The following BCAS3 variants were observed in gnomAD, a reference collection of about 807,000 sequenced individuals.
BCAS3 encodes BCAS3 microtubule associated cell migration factor.
BCAS3 carries 53 observed loss-of-function variants against 116.1 expected under a neutral mutation model. The observed-to-expected ratio is 0.46, with a 90% confidence interval of 0.37 to 0.57. The LOEUF (loss-of-function observed/expected upper bound fraction) is 0.57. Among genes scored for constraint, BCAS3 ranks in the 20% least tolerant of loss-of-function variants. The pLI, the probability that BCAS3 is intolerant of heterozygous loss-of-function variation, is 0.00. For missense variants in BCAS3, 917 were observed against 1,165.4 expected (o/e 0.79, Z 3.10); for synonymous variants, 391 against 408.2 (o/e 0.96, Z 0.51).
chr17:61,344,734 G>A lies in BCAS3; in HGVS notation c.2426-23593G>A, dbSNP rs967539083. On this transcript the variant is annotated intron_variant, in intron 22 of 23. Transcript: ENST00000407086. This position sits in a 1 kb window ranked among gnomAD's most constrained non-coding sequence, Gnocchi z 4.1. Reference sequence around the variant, plus strand: ...CTGGGGTGAAAGGAAGGAGGTTGTTGGAGGGACTGAGGGAGGTTCATCATG... The same window carrying A: ...CTGGGGTGAAAGGAAGGAGGTTGTTAGAGGGACTGAGGGAGGTTCATCATG... 6.6e-6 allele frequency among the ~76,000 whole-genome samples: 1 copy of A among 152,108 alleles called. No individual in the cohort carries two copies. Among genetic ancestry groups the A allele is most frequent in the Non-Finnish European group, 1.5e-5 (1 of 68,024 alleles).
chr17:60,738,589 A>G (rs534845137), intron 5 of BCAS3, among the ~76,000 whole-genome samples: 3 of 152,152 alleles, frequency 2.0e-5, no homozygotes, highest in Admixed American at 2.0e-4. Context: ...CCCTGTCTTT[A>G]TATTTAAAGT....
chr17:61,182,135 A>G (rs950289141), intron 22 of BCAS3, among the ~76,000 whole-genome samples: 1 of 152,146 alleles, frequency 6.6e-6, no homozygotes, highest in African/African-American at 2.4e-5. Flanking sequence ...TGGCTTCTCA[A>G]GGTGCTAGGA....
At chr17:61,163,332 G>A (rs776622754) in intron 22 of BCAS3, among the ~76,000 whole-genome samples, 4 of 151,846 alleles carry the variant, frequency 2.6e-5, no homozygotes, top group Non-Finnish European at 5.9e-5. Flanking sequence ...GCTGAGGCAG[G>A]AGAATGGTGT....
At chr17:60,973,607 A>ATATG (rs1555642433) in intron 14 of BCAS3, among the ~76,000 whole-genome samples, 2 of 148,810 alleles carry the variant, frequency 1.3e-5, no homozygotes, top group African/African-American at 5.0e-5. Flanking sequence ...ATATATATAT[A>ATATG]TGTATGAAGG....
chr17:61,299,342 C>G (rs1247568813), intron 22 of BCAS3, among the ~76,000 whole-genome samples: 1 of 145,646 alleles, frequency 6.9e-6, no homozygotes, highest in Non-Finnish European at 1.5e-5. Context: ...ACTTGGGAGT[C>G]TGGGGCAGGA....
At chr17:60,942,877 T>C (rs1450894008) in intron 13 of BCAS3, among the ~76,000 whole-genome samples, 3 of 152,026 alleles carry the variant, frequency 2.0e-5, no homozygotes, top group Admixed American at 2.0e-4. Context: ...AAACCATCCT[T>C]CCCATAGAAA....
chr17:60,724,021 A>G (rs1404624330), intron 5 of BCAS3, among the ~76,000 whole-genome samples: 1 of 151,278 alleles, frequency 6.6e-6, no homozygotes, highest in African/African-American at 2.4e-5. Flanking sequence ...TGCCCGGCCT[A>G]CTTTTTCACT....
At chr17:60,689,649 A>C in intron 3 of BCAS3, 37 bp from the exon 4 acceptor site, 1 of 1,480,108 alleles carries the variant, frequency 6.8e-7, no homozygotes, top group Non-Finnish European at 9.4e-7. Context: ...TAAAGCTGTA[A>C]AATATGTTTA....
chr17:61,316,884 C>T lies in BCAS3; in HGVS notation c.2426-51443C>T, dbSNP rs535109648. On this transcript the variant is annotated intron_variant, in intron 22 of 23. Transcript: ENST00000407086. The surrounding 1 kb of genome is among the most constrained non-coding windows in gnomAD (Gnocchi z 5.8). ...GCGGTTTCCCCACTAAGGAATTCCT[C>T]GTGTATTTGATCGATTTGTGCAAGA... 2.0e-5 allele frequency among the ~76,000 whole-genome samples: 3 copies of T among 152,206 alleles called. No homozygotes were observed. Among genetic ancestry groups the T allele is most frequent in the South Asian group, 2.1e-4 (1 of 4,818 alleles).
At chr17:61,069,765 G>A in intron 19 of BCAS3, 1 of 643,660 alleles carries the variant, frequency 1.6e-6, no homozygotes, top group Non-Finnish European at 2.7e-6. Flanking sequence ...TTGAACACAA[G>A]GTGGAGGCTG....
At chr17:61,252,679 A>C (rs2048458129) in intron 22 of BCAS3, among the ~76,000 whole-genome samples, 2 of 152,092 alleles carry the variant, frequency 1.3e-5, no homozygotes, top group East Asian at 1.9e-4. Context: ...AAAGGGCCTT[A>C]AAGGTTATCT....
chr17:60,715,320 A>G (rs1417531252), intron 5 of BCAS3, among the ~76,000 whole-genome samples: 2 of 151,574 alleles, frequency 1.3e-5, no homozygotes, highest in African/African-American at 2.4e-5. Flanking sequence ...AATTTTTAGT[A>G]GAGACGGGGT....
At chr17:60,819,922 C>G (rs545974024) in intron 7 of BCAS3, among the ~76,000 whole-genome samples, 4 of 152,266 alleles carry the variant, frequency 2.6e-5, no homozygotes, top group Non-Finnish European at 5.9e-5. Context: ...GCCACCATGC[C>G]TGGTTTATTA....
chr17:61,075,132 T>C (rs2143459162), intron 20 of BCAS3, 112 bp downstream of exon 20: 1 of 787,100 alleles, frequency 1.3e-6, no homozygotes, highest in South Asian at 1.9e-5. Flanking sequence ...TATTGGATTA[T>C]CAAGAATTAG....
intron 5 of BCAS3, among the ~76,000 whole-genome samples, chr17:60,738,827 C>T (rs969057189): frequency 1.3e-5 from 2 of 152,150 alleles, no homozygotes; most frequent in African/African-American, 2.4e-5. Context: ...ATGAACATAG[C>T]TCACTGTAGC....
In BCAS3 at chr17:61,068,560, T is replaced by C. The variant is rs1221320086; in HGVS notation, c.2030-6360T>C. ...CTCCTCTAAGCTATGGAGAACATGG[T>C]AAGGTTGTCACAGACCTGGCTGTAC... On this transcript the variant is annotated intron_variant, in intron 19 of 23. Transcript: ENST00000407086. The surrounding 1 kb of genome is among the most constrained non-coding windows in gnomAD (Gnocchi z 4.3). Among the ~76,000 whole-genome samples, 5 of 152,226 alleles carry C rather than the reference T, an allele frequency of 3.3e-5. No homozygotes were observed. The highest frequency in any genetic ancestry group is 3.3e-4 in the Admixed American group (5 of 15,286).
chr17:61,085,437 A>G (rs539259220), intron 22 of BCAS3, among the ~76,000 whole-genome samples: 1 of 152,358 alleles, frequency 6.6e-6, no homozygotes, highest in Admixed American at 6.5e-5. Context: ...ACTGTGAAAG[A>G]AAATGGAAAC....
rs77470065 is a variant in BCAS3, at chr17:61,142,578, G to A, written c.2425+58014G>A. Among the ~76,000 whole-genome samples, 768 of 152,230 alleles carry A rather than the reference G, an allele frequency of 5.0e-3. 8 individuals are homozygous for A. The highest frequency in any genetic ancestry group is 0.018 in the African/African-American group (736 of 41,528). On this transcript the variant is annotated intron_variant, in intron 22 of 23. Coordinates refer to ENST00000407086, the MANE Select transcript of BCAS3 (RefSeq NM_017679.5). ...CTGGGGCAGGGGAGGGTGGGGGAAC[G>A]TATCATCAGAAAAAATGGATTTGGG...
chr17:60,833,105 G>A (rs1010272657), intron 7 of BCAS3, among the ~76,000 whole-genome samples: 1 of 151,966 alleles, frequency 6.6e-6, no homozygotes, highest in Admixed American at 6.6e-5. Flanking sequence ...GAGCTCAAGC[G>A]ATCCTCCCAC....
Sources: gnomAD v4.1 joint callset for allele counts (sites outside exome capture counted in the v4.1 genomes callset) on GRCh38, gnomAD v4.1.1 for gene constraint, Gnocchi (gnomAD v3.1) non-coding constraint, MANE v1.5 for transcripts, NCBI Gene and HGNC (gene_info 2026-07-23, HGNC 2026-07-21) for gene names.